Variants in PDE1C observed in about 807,000 individuals in gnomAD.
The protein encoded by PDE1C is dual specificity calcium/calmodulin-dependent 3',5'-cyclic nucleotide phosphodiesterase 1C.
In PDE1C, 62 loss-of-function variants were observed where a neutral mutation model predicts 93.1. The observed-to-expected ratio is 0.67, with a 90% CI of 0.54 to 0.82. The LOEUF (loss-of-function observed/expected upper bound fraction) is 0.82, where lower values mean the gene tolerates loss of function less well. Among genes scored for constraint, PDE1C ranks in the 40% least tolerant of loss-of-function variants. PDE1C has a pLI of 0.00. For synonymous variants in PDE1C, 325 were observed against 310.1 expected (o/e 1.05, Z -0.50); for missense variants, 742 against 884.6 (o/e 0.84, Z 2.04).
chr7:31,948,400 G>C (rs1404313865), intron 2 of PDE1C, among the ~76,000 whole-genome samples: 1 of 152,154 alleles, frequency 6.6e-6, no homozygotes, highest in Admixed American at 6.5e-5. Flanking sequence ...TAACACAACA[G>C]TTTACACATT....
chr7:32,318,489 G>T (rs1783219185), intron 1 of PDE1C, among the ~76,000 whole-genome samples: 1 of 152,198 alleles, frequency 6.6e-6, no homozygotes, highest in African/African-American at 2.4e-5. Context: ...AGCCTGCACC[G>T]CTGGCTGGGT....
chr7:31,864,530 G>C (rs1795052233), intron 7 of PDE1C, among the ~76,000 whole-genome samples: 1 of 152,196 alleles, frequency 6.6e-6, no homozygotes, highest in Admixed American at 6.5e-5. Context: ...AAAAGACTTA[G>C]TGGCTTAAAC....
intron 3 of PDE1C, among the ~76,000 whole-genome samples, chr7:32,163,957 C>A (rs1802068510): frequency 6.6e-6 from 1 of 152,146 alleles, no homozygotes; most frequent in Admixed American, 6.6e-5. Context: ...CTAACAGCAG[C>A]CCCCAAAGCC....
At chr7:31,953,148 AG>A (rs1807641621) in intron 2 of PDE1C, among the ~76,000 whole-genome samples, 3 of 152,206 alleles carry the variant, frequency 2.0e-5, no homozygotes, top group Admixed American at 2.0e-4. Flanking sequence ...AAGAGATTAA[AG>A]TTATTTCATA....
At chr7:31,617,095 T>C in the PDE1C span, among the ~76,000 whole-genome samples, 1 of 152,204 alleles carries the variant, frequency 6.6e-6, no homozygotes, top group Admixed American at 6.5e-5. Flanking sequence ...TGGTTGCACT[T>C]CAGTGGTGGG....
intron 1 of PDE1C, among the ~76,000 whole-genome samples, chr7:32,237,740 G>GTGTA (rs1211660051): frequency 3.1e-5 from 2 of 65,194 alleles, no homozygotes; most frequent in Non-Finnish European, 5.9e-5. Context: ...ACTTGGCTCT[G>GTGTA]TGTATATATA....
rs189644309 is a variant in PDE1C at position 31,985,702 on chromosome 7, G to A, written c.128+65852C>T. Reference sequence around the variant, plus strand: ...TTTTCTGTCCTTGTGATAGTTTGCCGAGAATGATGGTTTCCAGCTTCATCT... The same window carrying A: ...TTTTCTGTCCTTGTGATAGTTTGCCAAGAATGATGGTTTCCAGCTTCATCT... On this transcript the variant is annotated intron_variant, in intron 2 of 17. Transcript: ENST00000396191. 4.5e-3 allele frequency among the ~76,000 whole-genome samples: 689 copies of A among 152,166 alleles called. 4 individuals carry two copies. The highest frequency in any genetic ancestry group is 0.016 in the African/African-American group (646 of 41,514).
intron 16 of PDE1C, chr7:31,788,863 G>A (rs1481431381): frequency 6.6e-6 from 1 of 152,094 alleles, no homozygotes; most frequent in African/African-American, 2.4e-5. Flanking sequence ...TTTCTGTTGG[G>A]GAACATTTTG....
chr7:31,669,370 T>G, the PDE1C span, among the ~76,000 whole-genome samples: 1 of 152,200 alleles, frequency 6.6e-6, no homozygotes, highest in East Asian at 1.9e-4. Context: ...TTTACTACCC[T>G]AAACAAGATA....
chr7:31,947,758 T>C (rs571871935), intron 2 of PDE1C, among the ~76,000 whole-genome samples: 88 of 152,300 alleles, frequency 5.8e-4, no homozygotes, highest in Non-Finnish European at 1.0e-3. Context: ...ACTCAAGTCA[T>C]TGTAGGAGAC....
intron 7 of PDE1C, among the ~76,000 whole-genome samples, chr7:31,852,601 A>G (rs993552307): frequency 3.3e-5 from 5 of 152,152 alleles, no homozygotes; most frequent in Admixed American, 3.3e-4. Context: ...CTCTGTAATC[A>G]TAGGTACTGT....
chr7:31,836,991 G>A (rs1050818168), intron 11 of PDE1C, among the ~76,000 whole-genome samples, 189 bp downstream of exon 11: 1 of 152,094 alleles, frequency 6.6e-6, no homozygotes, highest in African/African-American at 2.4e-5. Context: ...ATACCATAAT[G>A]TCCTAAAAAG....
chr7:32,039,033 C>T (rs1255004848), intron 2 of PDE1C, among the ~76,000 whole-genome samples: 1 of 152,100 alleles, frequency 6.6e-6, no homozygotes, highest in African/African-American at 2.4e-5. Context: ...CATGGGCCAC[C>T]ACCACCATCA....
chr7:31,651,363 A>T, the PDE1C span: 323 of 1,360,832 alleles, frequency 2.4e-4, no homozygotes, highest in Non-Finnish European at 3.0e-4. Context: ...ACCCTGGAGC[A>T]GAGCTAATGA....
intron 3 of PDE1C, among the ~76,000 whole-genome samples, chr7:32,109,261 G>T (rs2128754411): frequency 6.6e-6 from 1 of 152,230 alleles, no homozygotes; most frequent in East Asian, 1.9e-4. Flanking sequence ...TTAAATCATG[G>T]TAGAGCCATA....
In PDE1C at chr7:31,775,698, T is replaced by C. The variant is rs1331633280; in HGVS notation, c.1926A>G (p.Pro642=). 1 of 1,612,798 alleles carries C rather than the reference T, an allele frequency of 6.2e-7. No individual in the cohort carries two copies. The highest frequency in any genetic ancestry group is 8.5e-7 in the Non-Finnish European group (1 of 1,179,856). Residue 642 remains proline, a synonymous_variant, in exon 17 of 18, where the codon CCA becomes CCG. Transcript: ENST00000396191. ...TKQRSHGSPA[P]STSSTCRLTL... ...TAAGGCGACACGTGGAGCTGGTGCT[T>C]GGGGCTGGTGAGCCGTGAGAACGCT...
chr7:31,739,381 C>T, the PDE1C span, among the ~76,000 whole-genome samples: 26 of 152,214 alleles, frequency 1.7e-4, no homozygotes, highest in African/African-American at 4.8e-4. Flanking sequence ...TAGAAATCTA[C>T]GCCATGGGTG....
chr7:31,624,077 C>A, the PDE1C span, among the ~76,000 whole-genome samples: 30 of 150,624 alleles, frequency 2.0e-4, no homozygotes, highest in Non-Finnish European at 1.5e-5. Context: ...ATGTGAAGGA[C>A]CTCTTCAAGG....
intron 3 of PDE1C, among the ~76,000 whole-genome samples, chr7:32,083,740 C>T (rs1796869126): frequency 6.6e-6 from 1 of 151,892 alleles, no homozygotes; most frequent in Admixed American, 6.6e-5. Context: ...AATTTCATAT[C>T]CAGCCAAACT....
Sources: gnomAD v4.1 joint callset for allele counts (sites outside exome capture counted in the v4.1 genomes callset) on GRCh38, gnomAD v4.1.1 for gene constraint, MANE v1.5 for transcripts, NCBI Gene and HGNC (gene_info 2026-07-23, HGNC 2026-07-21) for gene names.